PTCHD4: variants seen among roughly 807,000 people sequenced by gnomAD.
The protein encoded by PTCHD4 is patched domain containing 4.
PTCHD4 carries 33 observed loss-of-function variants against 58.1 expected under a neutral mutation model. That is an observed-to-expected ratio of 0.57 (90% CI 0.43 to 0.76). The LOEUF (loss-of-function observed/expected upper bound fraction) is 0.76, where lower values mean the gene tolerates loss of function less well. Ranked by LOEUF, PTCHD4 falls within the 30% of genes least tolerant of loss-of-function variation. The pLI, the probability that PTCHD4 is intolerant of heterozygous loss-of-function variation, is 0.00. For missense variants in PTCHD4, 1,058 were observed against 1,027.1 expected, an observed-to-expected ratio of 1.03 and a Z score of -0.41; for synonymous variants, 478 against 409.6, an observed-to-expected ratio of 1.17 and a Z score of -2.02.
At chr6:47,880,014 A>G (rs1044579439) in intron 4 of PTCHD4, 78 bp from the exon 5 acceptor site, 6 of 1,151,476 alleles carry the variant, frequency 5.2e-6, no homozygotes, top group East Asian at 5.2e-5. Flanking sequence ...TAGTTTATCT[A>G]TGCTAAATGG....
chr6:48,096,292 A>G (rs1348834655), intron 1 of PTCHD4, among the ~76,000 whole-genome samples: 2 of 152,230 alleles, frequency 1.3e-5, no homozygotes, highest in East Asian at 3.9e-4. Context: ...ACATAAGGGG[A>G]CACAGTAAAT....
At chr6:47,908,885 G>C (rs76906568) in intron 4 of PTCHD4, among the ~76,000 whole-genome samples, 2 of 152,120 alleles carry the variant, frequency 1.3e-5, no homozygotes, top group East Asian at 3.9e-4. Context: ...CTAATGATCC[G>C]TTTGAAAAGA....
chr6:47,880,532 A>T (rs544922211), intron 4 of PTCHD4, among the ~76,000 whole-genome samples: 2,311 of 149,458 alleles, frequency 0.015, 57 homozygotes, highest in African/African-American at 0.05. Context: ...GTGAGTTTTT[A>T]AAAAAAAAAT....
At chr6:47,915,865 C>G (rs1561955335) in intron 4 of PTCHD4, among the ~76,000 whole-genome samples, 1 of 151,988 alleles carries the variant, frequency 6.6e-6, no homozygotes, top group Non-Finnish European at 1.5e-5. Flanking sequence ...TGTCTCAGTG[C>G]AAAAGAGAAA....
intron 4 of PTCHD4, among the ~76,000 whole-genome samples, chr6:47,887,973 T>C (rs1406292129): frequency 1.3e-5 from 2 of 152,230 alleles, no homozygotes; most frequent in Admixed American, 1.3e-4. Context: ...TGTTGTTCAA[T>C]GAGGGAGGGC....
intron 1 of PTCHD4, among the ~76,000 whole-genome samples, chr6:48,104,244 G>A (rs1765670424): frequency 6.6e-6 from 1 of 152,210 alleles, no homozygotes; most frequent in African/African-American, 2.4e-5. Context: ...CAGACTAACA[G>A]CTGATCTCTC....
At chr6:47,901,961 T>G (rs1160839088) in intron 4 of PTCHD4, 1 of 1,261,048 alleles carries the variant, frequency 7.9e-7, no homozygotes, top group African/African-American at 1.5e-5. Flanking sequence ...AGCAAGTCAG[T>G]AACAAGAGTT....
rs398001467 is a variant in PTCHD4 at position 48,079,117 on chromosome 6, C to CAAAA, written c.-969-9195_-969-9192dup. On this transcript the variant is annotated intron_variant, in intron 1 of 4. Coordinates refer to ENST00000339488, the MANE Select transcript of PTCHD4 (RefSeq NM_001384253.1). ...TGGGCAACAGAGCGAAATTCCATCA[C>CAAAA]AAAAAAAAAAAAAAAAAAGAAATTG... Among the ~76,000 whole-genome samples the CAAAA allele has an allele frequency of 2.9e-3, 215 of 73,148 alleles. 1 individual carries two copies. The highest frequency in any genetic ancestry group is 8.2e-3 in the Middle Eastern group (1 of 122). The allele number at this position is 73,148 out of a possible 152,430, so 48.0% of individuals were successfully genotyped here.
Position 47,864,074 on chromosome 6 carries a change from T to C in PTCHD4, c.*14229A>G, listed in dbSNP as rs1002277208. On this transcript the variant is annotated 3_prime_UTR_variant, in exon 5 of 5. Transcript: ENST00000339488. ...GAATGTCTGTTGCTGTTCACAAACTTAGATTTCAGAGATTTTCAAAGTCCA... is the reference window on the plus strand; with the variant it reads ...GAATGTCTGTTGCTGTTCACAAACTCAGATTTCAGAGATTTTCAAAGTCCA... 6.6e-6 allele frequency among the ~76,000 whole-genome samples: 1 copy of C among 151,926 alleles called. No individual in the cohort carries two copies. Among genetic ancestry groups the C allele is most frequent in the Non-Finnish European group, 1.5e-5 (1 of 67,920 alleles).
chr6:47,931,034 C>T (rs112575213), intron 4 of PTCHD4, among the ~76,000 whole-genome samples: 3,247 of 152,344 alleles, frequency 0.021, 123 homozygotes, highest in African/African-American at 0.071. Context: ...ATCCACCCGC[C>T]TCGGCCTCCC....
intron 4 of PTCHD4, among the ~76,000 whole-genome samples, chr6:47,921,042 AAAACAAAC>A (rs200837043): frequency 4.6e-5 from 7 of 152,184 alleles, no homozygotes; most frequent in African/African-American, 1.4e-4. Flanking sequence ...GACATCGATT[AAAACAAAC>A]AAACAAACAA....
chr6:47,910,338 C>T (rs530982942), intron 4 of PTCHD4, among the ~76,000 whole-genome samples: 103 of 152,228 alleles, frequency 6.8e-4, no homozygotes, highest in Non-Finnish European at 1.2e-3. Context: ...TTAGTTCAAA[C>T]CTGTGTCTGT....
chr6:47,914,789 T>C (rs1045789489), intron 4 of PTCHD4, among the ~76,000 whole-genome samples: 1 of 151,470 alleles, frequency 6.6e-6, no homozygotes, highest in East Asian at 1.9e-4. Flanking sequence ...TCTATCTATC[T>C]ATATTTGTAC....
intron 4 of PTCHD4, among the ~76,000 whole-genome samples, chr6:47,880,728 G>C (rs1001522354): frequency 1.3e-5 from 2 of 152,136 alleles, no homozygotes; most frequent in Non-Finnish European, 2.9e-5. Context: ...CTTTTGATAA[G>C]AGTAAGTAGG....
At chr6:47,923,423 C>G (rs924430789) in intron 4 of PTCHD4, among the ~76,000 whole-genome samples, 1 of 152,116 alleles carries the variant, frequency 6.6e-6, no homozygotes, top group Non-Finnish European at 1.5e-5. Flanking sequence ...GCACTAAGCA[C>G]TTTTGATATT....
chr6:47,950,636 T>C (rs528577702), intron 4 of PTCHD4, among the ~76,000 whole-genome samples: 117 of 152,256 alleles, frequency 7.7e-4, no homozygotes, highest in African/African-American at 2.7e-3. Flanking sequence ...TGATGCTTAT[T>C]AGACATCTAA....
intron 1 of PTCHD4, among the ~76,000 whole-genome samples, chr6:48,088,133 A>G (rs961919335): frequency 6.6e-6 from 1 of 152,186 alleles, no homozygotes; most frequent in Non-Finnish European, 1.5e-5. Context: ...GCCATTTCCC[A>G]TAAGTTTTAT....
rs960641564 is a variant in PTCHD4, at chr6:47,863,200, G to A, written c.*15103C>T. Among the ~76,000 whole-genome samples the A allele has an allele frequency of 1.3e-5, 2 of 151,822 alleles. No homozygotes were observed. Among genetic ancestry groups the A allele is most frequent in the African/African-American group, 4.8e-5 (2 of 41,398 alleles). ...ATCAAAATTTTGTTGAGCCTGAAGT[G>A]TATACATTTTTGGAGTCCCCTTTTA... On this transcript the variant is annotated 3_prime_UTR_variant, in exon 5 of 5. Coordinates refer to ENST00000339488, the MANE Select transcript of PTCHD4 (RefSeq NM_001384253.1).
chr6:47,965,632 A>G (rs1767254855), intron 4 of PTCHD4, among the ~76,000 whole-genome samples: 1 of 152,228 alleles, frequency 6.6e-6, no homozygotes, highest in Admixed American at 6.5e-5. Flanking sequence ...AGGAAAATCA[A>G]GAACTCTTGG....
Sources: gnomAD v4.1 joint callset for allele counts (sites outside exome capture counted in the v4.1 genomes callset) on GRCh38, gnomAD v4.1.1 for gene constraint, MANE v1.5 for transcripts, NCBI Gene and HGNC (gene_info 2026-07-23, HGNC 2026-07-21) for gene names.